The following PPM1H variants were observed in gnomAD, a reference collection of about 807,000 sequenced individuals.
PPM1H encodes the protein protein phosphatase 1H.
In PPM1H, 27 loss-of-function variants were observed where a neutral mutation model predicts 54.9. The observed-to-expected ratio is 0.49, with a 90% CI of 0.36 to 0.68. The LOEUF is 0.68. Among genes scored for constraint, PPM1H ranks in the 30% least tolerant of loss-of-function variants. PPM1H has a pLI of 0.00. For missense variants in PPM1H, 596 were observed against 667.8 expected (o/e 0.89, Z 1.19); for synonymous variants, 305 against 270.8 (o/e 1.13, Z -1.24).
intron 8 of PPM1H, among the ~76,000 whole-genome samples, chr12:62,670,385 C>G (rs566254614): frequency 6.6e-6 from 1 of 152,294 alleles, no homozygotes; most frequent in South Asian, 2.1e-4. Flanking sequence ...GTGGATGTCT[C>G]AATCTTATGC....
intron 1 of PPM1H, among the ~76,000 whole-genome samples, chr12:62,843,885 C>G (rs747642150): frequency 1.6e-4 from 24 of 152,244 alleles, no homozygotes; most frequent in Non-Finnish European, 2.2e-4. Context: ...GTTATCTGAT[C>G]AAATATTTTT....
intron 1 of PPM1H, among the ~76,000 whole-genome samples, chr12:62,914,615 G>A (rs1033126220): frequency 1.3e-5 from 2 of 152,178 alleles, no homozygotes; most frequent in East Asian, 1.9e-4. Context: ...AGACACAAGC[G>A]TGCTGTGTGG....
At chr12:62,764,475 C>A (rs1384892631) in intron 4 of PPM1H, among the ~76,000 whole-genome samples, 1 of 152,174 alleles carries the variant, frequency 6.6e-6, no homozygotes, top group African/African-American at 2.4e-5. Flanking sequence ...AGGATCTTGA[C>A]ATTTTTAACT....
At chr12:62,791,176 G>A (rs1053996906) in intron 3 of PPM1H, among the ~76,000 whole-genome samples, 6 of 152,080 alleles carry the variant, frequency 3.9e-5, no homozygotes, top group African/African-American at 1.2e-4. Flanking sequence ...GCCAACGCTC[G>A]CTGAGATAAT....
intron 9 of PPM1H, among the ~76,000 whole-genome samples, chr12:62,653,450 C>T (rs559749022): frequency 6.6e-6 from 1 of 152,314 alleles, no homozygotes; most frequent in Admixed American, 6.5e-5. Context: ...CAGTGTTTCA[C>T]CGTTGTGAAT....
intron 3 of PPM1H, among the ~76,000 whole-genome samples, chr12:62,799,492 T>A (rs113611876): frequency 6.6e-6 from 1 of 152,216 alleles, no homozygotes; most frequent in African/African-American, 2.4e-5. Context: ...AATTTTTGCC[T>A]AAATAATTAA....
intron 9 of PPM1H, among the ~76,000 whole-genome samples, chr12:62,657,169 A>G (rs2075849336): frequency 6.6e-6 from 1 of 152,074 alleles, no homozygotes; most frequent in African/African-American, 2.4e-5. Flanking sequence ...TGCAGACTGG[A>G]GGGAGTTCCC....
intron 6 of PPM1H, among the ~76,000 whole-genome samples, chr12:62,709,834 G>A (rs951808841): frequency 1.3e-5 from 2 of 152,188 alleles, no homozygotes; most frequent in Admixed American, 6.5e-5. Flanking sequence ...ACTTTGGGAG[G>A]CTGAGGCGGG....
intron 1 of PPM1H, among the ~76,000 whole-genome samples, chr12:62,886,340 T>C (rs1006300362): frequency 6.6e-6 from 1 of 152,254 alleles, no homozygotes; most frequent in African/African-American, 2.4e-5. Flanking sequence ...AACTATGTAC[T>C]ATGCTCTCAA....
At chr12:62,892,499 T>A (rs1347131754) in intron 1 of PPM1H, among the ~76,000 whole-genome samples, 2 of 152,240 alleles carry the variant, frequency 1.3e-5, no homozygotes, top group Non-Finnish European at 1.5e-5. Flanking sequence ...ACTGAGGTCA[T>A]TCTTGTACAA....
At chr12:62,908,781 T>G (rs1425980314) in intron 1 of PPM1H, among the ~76,000 whole-genome samples, 1 of 152,220 alleles carries the variant, frequency 6.6e-6, no homozygotes, top group African/African-American at 2.4e-5. Flanking sequence ...ATTAAACAAA[T>G]AATTACAAAT....
At chr12:62,678,386 A>G (rs985574883) in intron 8 of PPM1H, among the ~76,000 whole-genome samples, 4 of 152,240 alleles carry the variant, frequency 2.6e-5, no homozygotes, top group African/African-American at 7.2e-5. Flanking sequence ...ACAATCTCCA[A>G]TGAGAGGAAA....
intron 1 of PPM1H, among the ~76,000 whole-genome samples, chr12:62,898,261 A>G (rs989562363): frequency 3.9e-5 from 6 of 152,182 alleles, no homozygotes; most frequent in Admixed American, 6.5e-5. Context: ...TTCTTTTAAA[A>G]TGATCCATCT....
At chr12:62,659,138 C>T in intron 9 of PPM1H, 1 of 735,158 alleles carries the variant, frequency 1.4e-6, no homozygotes, top group Admixed American at 1.7e-5. Context: ...CCTCCAAGAA[C>T]TGCAAAGCCG....
At chr12:62,832,325 G>A (rs1868378129) in intron 1 of PPM1H, 46 bp from the exon 2 acceptor site, 2 of 1,550,468 alleles carry the variant, frequency 1.3e-6, no homozygotes, top group Non-Finnish European at 1.7e-6. Context: ...CGATAAAGCT[G>A]AGGGCACAGT....
At chr12:62,824,338 T>C (rs1465288069) in intron 2 of PPM1H, among the ~76,000 whole-genome samples, 1 of 152,198 alleles carries the variant, frequency 6.6e-6, no homozygotes, top group African/African-American at 2.4e-5. Flanking sequence ...AAGTAATTTA[T>C]AGATTCAATG....
intron 8 of PPM1H, among the ~76,000 whole-genome samples, chr12:62,668,588 G>C (rs1345764584): frequency 2.6e-5 from 4 of 152,174 alleles, no homozygotes; most frequent in Non-Finnish European, 5.9e-5. Flanking sequence ...CTGGGTCCCA[G>C]CTGGTCTGGA....
rs115503540 is a variant in PPM1H, at chr12:62,784,291, G to A, written c.869+3935C>T. On this transcript the variant is annotated intron_variant, in intron 4 of 9. Transcript: ENST00000228705. ...GAATGGTCCTATGTCCTCTGAATGG[G>A]ATGGTCGTTGACTCAAAAACCCATA... 3.6e-3 allele frequency among the ~76,000 whole-genome samples: 550 copies of A among 152,226 alleles called. 2 individuals are homozygous for A. Among genetic ancestry groups the A allele is most frequent in the African/African-American group, 0.012 (513 of 41,526 alleles).
intron 1 of PPM1H, among the ~76,000 whole-genome samples, chr12:62,921,705 G>A (rs11829891): frequency 0.17 from 26,053 of 152,116 alleles, 2,734 homozygotes; most frequent in East Asian, 0.48. Context: ...AAGATCACTT[G>A]AGCCCATAGG....
Sources: gnomAD v4.1 joint callset for allele counts (sites outside exome capture counted in the v4.1 genomes callset) on GRCh38, gnomAD v4.1.1 for gene constraint, MANE v1.5 for transcripts, NCBI Gene and HGNC (gene_info 2026-07-23, HGNC 2026-07-21) for gene names.